Variants in THRAP3 observed in about 807,000 individuals in gnomAD.
The protein encoded by THRAP3 is thyroid hormone receptor associated protein 3.
Under a neutral mutation model 101.0 loss-of-function variants are expected in THRAP3, and 16 were observed. The observed-to-expected ratio is 0.16, with a 90% CI of 0.11 to 0.24. The LOEUF is 0.24. THRAP3 is among the 10% of genes least tolerant of loss of function. The pLI is 1.00. For missense variants in THRAP3, 989 were observed against 1,202.7 expected, an observed-to-expected ratio of 0.82 and a Z score of 2.63; for synonymous variants, 407 against 422.6, an observed-to-expected ratio of 0.96 and a Z score of 0.45.
chr1:36,235,938 T>G (rs953272565), intron 1 of THRAP3, among the ~76,000 whole-genome samples: 3 of 152,062 alleles, frequency 2.0e-5, no homozygotes, highest in Non-Finnish European at 2.9e-5. Context: ...GGATTAATGC[T>G]TTTGTTTGGT....
At chr1:36,298,653 T>C (rs1645985063) in intron 9 of THRAP3, among the ~76,000 whole-genome samples, 1 of 152,020 alleles carries the variant, frequency 6.6e-6, no homozygotes, top group Admixed American at 6.6e-5. Context: ...GTATGCACCA[T>C]GATGCCCGGC....
intron 2 of THRAP3, among the ~76,000 whole-genome samples, chr1:36,282,182 T>C (rs909176732): frequency 6.6e-6 from 1 of 151,804 alleles, no homozygotes; most frequent in African/African-American, 2.4e-5. Context: ...TACCTTGGCC[T>C]CCCAGTGCAC....
chr1:36,232,745 AAAAT>A (rs1396465773), intron 1 of THRAP3, among the ~76,000 whole-genome samples: 1 of 152,210 alleles, frequency 6.6e-6, no homozygotes, highest in Non-Finnish European at 1.5e-5. Flanking sequence ...TTAGCAGTTG[AAAAT>A]AATTTGTACA....
At chr1:36,289,859 T>A in intron 5 of THRAP3, 95 bp downstream of exon 5, 1 of 1,459,898 alleles carries the variant, frequency 6.8e-7, no homozygotes, top group Non-Finnish European at 9.1e-7. Context: ...TATTCCCCCT[T>A]CTGTCTTAAG....
At chr1:36,235,924 T>C (rs1054572964) in intron 1 of THRAP3, among the ~76,000 whole-genome samples, 5 of 151,880 alleles carry the variant, frequency 3.3e-5, no homozygotes, top group Admixed American at 2.0e-4. Context: ...TTCAAAAAAG[T>C]CCAGGATTAA....
intron 2 of THRAP3, among the ~76,000 whole-genome samples, chr1:36,267,644 C>A (rs1645532684): frequency 2.0e-5 from 1 of 50,470 alleles, no homozygotes; most frequent in Non-Finnish European, 6.5e-5. Flanking sequence ...TAGTAATAGT[C>A]AAACAGGAGG....
chr1:36,265,459 CTTTTTTTTTTTTT>C (rs60539096), intron 2 of THRAP3, among the ~76,000 whole-genome samples: 3 of 104,822 alleles, frequency 2.9e-5, no homozygotes, highest in East Asian at 5.5e-4. Flanking sequence ...AGACAGGAAA[CTTTTTTTTTTTTT>C]TTTTTTTTTG....
At chr1:36,246,009 G>T (rs1645226792) in intron 1 of THRAP3, among the ~76,000 whole-genome samples, 1 of 152,092 alleles carries the variant, frequency 6.6e-6, no homozygotes, top group Non-Finnish European at 1.5e-5. Context: ...TACAATCCTA[G>T]GGGGAGGTAT....
At position 36,292,021 on chromosome 1, in the gene THRAP3, A is replaced by G. The variant is rs192059691; in HGVS notation, c.1918+475A>G. Among the ~76,000 whole-genome samples, 11 of 152,138 alleles carry G rather than the reference A, an allele frequency of 7.2e-5. No individual in the cohort carries two copies. In the East Asian group the frequency reaches 2.1e-3, roughly 29 times the overall value. On this transcript the variant is annotated intron_variant, in intron 6 of 11. Coordinates refer to ENST00000354618, the MANE Select transcript of THRAP3 (RefSeq NM_005119.4). ...CCATCTGAATATAAACTCAAGCAAG[A>G]GTTGGTGCTGTGCTTCTGAGGAGAA...
chr1:36,293,722 G>T, intron 7 of THRAP3, 129 bp from the exon 8 acceptor site: 8 of 577,362 alleles, frequency 1.4e-5, no homozygotes, highest in Non-Finnish European at 1.8e-5. Context: ...AAAAGTAATA[G>T]ATACATAAGT....
intron 8 of THRAP3, 32 bp from the exon 9 acceptor site, chr1:36,296,551 A>G: frequency 2.7e-6 from 4 of 1,504,528 alleles, no homozygotes; most frequent in East Asian, 2.4e-5. Context: ...TCTGAATCCC[A>G]GAAACCTTAA....
intron 3 of THRAP3, among the ~76,000 whole-genome samples, chr1:36,284,806 G>A (rs991744189): frequency 3.3e-5 from 5 of 152,158 alleles, no homozygotes; most frequent in Non-Finnish European, 5.9e-5. Flanking sequence ...TAGTGCTGGT[G>A]GTGGATCACC....
intron 8 of THRAP3, among the ~76,000 whole-genome samples, chr1:36,295,545 T>TTTGCTTCC: frequency 6.9e-6 from 1 of 145,520 alleles, no homozygotes; most frequent in East Asian, 2.1e-4. Flanking sequence ...AGAGAAGTTT[T>TTTGCTTCC]TTCCTTCCTT....
Position 36,289,475 on chromosome 1 carries a change from A to G in THRAP3, c.1456A>G (p.Lys486Glu). ...YAPPGKEKQRKTEELEEESFP... is the reference protein window; with the variant it reads ...YAPPGKEKQRETEELEEESFP... The stretch of plus-strand genomic sequence containing the variant: ...ACCTCCAGGGAAGGAAAAGCAGAGA[A>G]AAACAGAGGAGCTGGAGGAGGAGTC... Residue 486 changes from lysine to glutamate, a missense_variant, in exon 5 of 12, where the codon AAA becomes GAA. Transcript: ENST00000354618. The G allele has an allele frequency of 6.2e-7, 1 of 1,614,208 alleles. No individual in the cohort carries two copies. The highest frequency in any genetic ancestry group is 8.5e-7 in the Non-Finnish European group (1 of 1,180,038).
intron 6 of THRAP3, 70 bp downstream of exon 6, chr1:36,291,616 T>G (rs993694199): frequency 6.4e-7 from 1 of 1,551,284 alleles, no homozygotes. Context: ...GATGGGTGGA[T>G]AAGGAGTTTT....
the THRAP3 span, among the ~76,000 whole-genome samples, chr1:36,208,966 C>CTTTTT: frequency 1.9e-5 from 1 of 51,880 alleles, no homozygotes; most frequent in Non-Finnish European, 3.7e-5. Context: ...CATGTCCAGC[C>CTTTTT]TTTTTTTTTT....
At position 36,304,369 on chromosome 1, in the gene THRAP3, A is replaced by T. The variant is rs114673194; in HGVS notation, c.*352A>T. 1,630 of 242,230 alleles carry T rather than the reference A, an allele frequency of 6.7e-3. 19 individuals are homozygous for T. The highest frequency in any genetic ancestry group is 0.034 in the African/African-American group (1,526 of 44,400). The allele number at this position is 242,230 out of a possible 1,614,324, so 15.0% of individuals were successfully genotyped here. ...AAACCAACAGTTTTGTTCTAATTTCATTTCATTTGGAGCTAAGATGACTAA... is the reference window on the plus strand; with the variant it reads ...AAACCAACAGTTTTGTTCTAATTTCTTTTCATTTGGAGCTAAGATGACTAA... On this transcript the variant is annotated 3_prime_UTR_variant, in exon 12 of 12. Coordinates refer to ENST00000354618, the MANE Select transcript of THRAP3 (RefSeq NM_005119.4).
chr1:36,215,149 G>C, the THRAP3 span, among the ~76,000 whole-genome samples: 1 of 151,880 alleles, frequency 6.6e-6, no homozygotes, highest in Non-Finnish European at 1.5e-5. Context: ...GCATGAACCC[G>C]AGAGGTGGGG....
chr1:36,267,604 G>C (rs996126431), intron 2 of THRAP3, among the ~76,000 whole-genome samples: 1 of 152,198 alleles, frequency 6.6e-6, no homozygotes, highest in East Asian at 1.9e-4. Flanking sequence ...TTGATACTTT[G>C]TGGGGAGAAG....
Sources: allele counts gnomAD v4.1 joint callset (sites outside exome capture counted in the v4.1 genomes callset), GRCh38; gene constraint gnomAD v4.1.1; transcripts MANE v1.5; gene names NCBI Gene and HGNC (gene_info 2026-07-23, HGNC 2026-07-21).